Variants in PCDH15 observed in about 807,000 individuals in gnomAD.
PCDH15 encodes the protein protocadherin-15.
Under a neutral mutation model 178.5 loss-of-function variants are expected in PCDH15, and 129 were observed. That is an observed-to-expected ratio of 0.72 (90% CI 0.63 to 0.84). The LOEUF (loss-of-function observed/expected upper bound fraction) is 0.84, where lower values mean the gene tolerates loss of function less well. Ranked by LOEUF, PCDH15 falls within the 40% of genes least tolerant of loss-of-function variation. The pLI is 0.00. For missense variants in PCDH15, 2,230 were observed against 2,099.9 expected, an observed-to-expected ratio of 1.06 and a Z score of -1.21; for synonymous variants, 800 against 732.0, an observed-to-expected ratio of 1.09 and a Z score of -1.50.
intron 2 of PCDH15, among the ~76,000 whole-genome samples, chr10:55,340,821 A>G (rs2131953365): frequency 6.6e-6 from 1 of 152,190 alleles, no homozygotes; most frequent in South Asian, 2.1e-4. Context: ...ACTTCTCAAG[A>G]TTAAAGAAAT....
At chr10:55,609,725 T>C (rs1249036036) in intron 2 of PCDH15, among the ~76,000 whole-genome samples, 1 of 152,158 alleles carries the variant, frequency 6.6e-6, no homozygotes, top group Non-Finnish European at 1.5e-5. Flanking sequence ...TGCTCAGGCA[T>C]ATGCATAAAA....
intron 3 of PCDH15, among the ~76,000 whole-genome samples, chr10:54,878,947 T>C (rs1446747635): frequency 6.6e-6 from 1 of 152,216 alleles, no homozygotes; most frequent in East Asian, 1.9e-4. Context: ...TTATTTATAA[T>C]GCTTCGCCGA....
intron 2 of PCDH15, among the ~76,000 whole-genome samples, chr10:54,663,423 T>TTA (rs898567557): frequency 6.7e-5 from 10 of 148,212 alleles, no homozygotes; most frequent in South Asian, 4.2e-4. Context: ...TCTATCAAAT[T>TTA]TATATATATA....
intron 2 of PCDH15, among the ~76,000 whole-genome samples, chr10:55,524,426 G>A (rs1306595499): frequency 6.6e-6 from 1 of 151,664 alleles, no homozygotes; most frequent in Non-Finnish European, 1.5e-5. Flanking sequence ...GAATTGGAAA[G>A]TCTTAGTATG....
intron 2 of PCDH15, among the ~76,000 whole-genome samples, chr10:54,973,079 G>C (rs1564678160): frequency 6.6e-6 from 1 of 151,888 alleles, no homozygotes; most frequent in Non-Finnish European, 1.5e-5. Context: ...TAAAAATATA[G>C]AGAATACAAA....
intron 14 of PCDH15, among the ~76,000 whole-genome samples, chr10:54,149,518 G>A (rs1036706736): frequency 1.1e-4 from 17 of 152,152 alleles, no homozygotes; most frequent in Non-Finnish European, 5.9e-5. Flanking sequence ...GAGGAGACTG[G>A]TGCCACAACT....
chr10:54,709,690 G>GTGTGTATATA (rs1407608950), intron 1 of PCDH15, among the ~76,000 whole-genome samples: 1 of 146,528 alleles, frequency 6.8e-6, no homozygotes, highest in African/African-American at 2.5e-5. Flanking sequence ...ATGTGTGTGT[G>GTGTGTATATA]TGTGTATATA....
chr10:54,491,411 A>G (rs1027293127), intron 3 of PCDH15, among the ~76,000 whole-genome samples: 4 of 152,174 alleles, frequency 2.6e-5, no homozygotes, highest in Middle Eastern at 3.4e-3. Flanking sequence ...GAATGTAAAG[A>G]TAGCTTTTTC....
chr10:55,151,629 T>A, intron 2 of PCDH15, among the ~76,000 whole-genome samples: 1 of 152,200 alleles, frequency 6.6e-6, no homozygotes, highest in South Asian at 2.1e-4. Context: ...AAGGTAAAAA[T>A]TTAATAGTGA....
intron 3 of PCDH15, among the ~76,000 whole-genome samples, chr10:54,833,138 G>T (rs1006119055): frequency 3.3e-5 from 5 of 152,080 alleles, no homozygotes; most frequent in Non-Finnish European, 7.4e-5. Context: ...ACAATACCAT[G>T]ATGCATTTAT....
At chr10:55,195,072 G>A (rs1266461673) in intron 1 of PCDH15, among the ~76,000 whole-genome samples, 1 of 149,428 alleles carries the variant, frequency 6.7e-6, no homozygotes, top group African/African-American at 2.5e-5. Flanking sequence ...GGCCCAGGCT[G>A]GAGTGCACTG....
Position 54,511,708 on chromosome 10 carries a change from C to T in PCDH15, c.157+16104G>A, listed in dbSNP as rs561522280. 1.6e-3 allele frequency among the ~76,000 whole-genome samples: 242 copies of T among 152,214 alleles called. 2 individuals are homozygous for T. Among genetic ancestry groups the T allele is most frequent in the Middle Eastern group, 3.4e-3 (1 of 294 alleles). The stretch of plus-strand genomic sequence containing the variant: ...CAAACCAAACACATATCTAGTCTAA[C>T]TTTCTAAAATATGACTGAAATAGAT... On this transcript the variant is annotated intron_variant, in intron 3 of 37. Transcript: ENST00000644397.
intron 26 of PCDH15, among the ~76,000 whole-genome samples, chr10:53,878,968 T>A (rs2080488125): frequency 6.6e-6 from 1 of 152,188 alleles, no homozygotes; most frequent in East Asian, 1.9e-4. Flanking sequence ...CTGTGAATAT[T>A]CACTCGGGTG....
intron 1 of PCDH15, among the ~76,000 whole-genome samples, chr10:55,228,164 G>A (rs2132194150): frequency 6.6e-6 from 1 of 152,170 alleles, no homozygotes. Flanking sequence ...TGAGGTGGGT[G>A]AAACATAATA....
intron 3 of PCDH15, among the ~76,000 whole-genome samples, chr10:54,465,945 G>A (rs907822926): frequency 6.6e-6 from 1 of 151,800 alleles, no homozygotes; most frequent in South Asian, 2.1e-4. Flanking sequence ...ATTCTAACTG[G>A]GGCAAGATGG....
At chr10:55,561,579 C>A (rs1842201323) in intron 2 of PCDH15, among the ~76,000 whole-genome samples, 1 of 151,764 alleles carries the variant, frequency 6.6e-6, no homozygotes, top group Admixed American at 6.6e-5. Flanking sequence ...TGTTCCTGTT[C>A]CCAAATAGGC....
chr10:55,007,993 C>G (rs1839971908), intron 2 of PCDH15, among the ~76,000 whole-genome samples: 1 of 151,956 alleles, frequency 6.6e-6, no homozygotes, highest in African/African-American at 2.4e-5. Context: ...AAGGAAATAT[C>G]CATTATTTCA....
At chr10:53,971,267 A>C (rs887744377) in intron 21 of PCDH15, among the ~76,000 whole-genome samples, 7 of 152,208 alleles carry the variant, frequency 4.6e-5, no homozygotes, top group African/African-American at 1.7e-4. Context: ...TCAATAAACT[A>C]GGTATTGATG....
At chr10:54,396,582 A>T (rs1951256969) in intron 3 of PCDH15, among the ~76,000 whole-genome samples, 2 of 152,110 alleles carry the variant, frequency 1.3e-5, no homozygotes, top group African/African-American at 4.8e-5. Flanking sequence ...TTCTCTTTCC[A>T]ACACTCTTCT....
Sources: allele counts gnomAD v4.1 joint callset (sites outside exome capture counted in the v4.1 genomes callset), GRCh38; gene constraint gnomAD v4.1.1; transcripts MANE v1.5; gene names NCBI Gene and HGNC (gene_info 2026-07-23, HGNC 2026-07-21).